The following KCNJ3 variants were observed in gnomAD, a reference collection of about 807,000 sequenced individuals.
KCNJ3 encodes the protein G protein-activated inward rectifier potassium channel 1.
KCNJ3 carries 4 observed loss-of-function variants against 39.2 expected under a neutral mutation model. That is an observed-to-expected ratio of 0.10 (90% confidence interval 0.05 to 0.23). The LOEUF (loss-of-function observed/expected upper bound fraction) is 0.23. KCNJ3 is among the 10% of genes least tolerant of loss of function. The probability of loss-of-function intolerance (pLI) is 1.00; values close to 1 mark genes in which losing one functional copy is unlikely to be tolerated. For synonymous variants in KCNJ3, 230 were observed against 237.4 expected (o/e 0.97, Z 0.29); for missense variants, 276 against 634.9 (o/e 0.43, Z 6.08).
At chr2:154,836,618 A>AT (rs1224923010) in intron 2 of KCNJ3, among the ~76,000 whole-genome samples, 2 of 532 alleles carry the variant, frequency 3.8e-3, no homozygotes, top group Admixed American at 0.091. Flanking sequence ...GTACTAAAAT[A>AT]ATATATATTT....
At chr2:154,807,839 G>A (rs936138629) in intron 2 of KCNJ3, among the ~76,000 whole-genome samples, 1 of 152,040 alleles carries the variant, frequency 6.6e-6, no homozygotes, top group African/African-American at 2.4e-5. Context: ...GTTTCTTTGT[G>A]AGGAAGGCAC....
chr2:154,852,474 T>C (rs982308699), intron 2 of KCNJ3, among the ~76,000 whole-genome samples: 4 of 152,166 alleles, frequency 2.6e-5, no homozygotes, highest in Non-Finnish European at 5.9e-5. Flanking sequence ...TATTTTTTCT[T>C]AAATTTAAAT....
intron 2 of KCNJ3, among the ~76,000 whole-genome samples, chr2:154,746,776 T>G (rs1309228501): frequency 6.6e-6 from 1 of 151,730 alleles, no homozygotes; most frequent in Non-Finnish European, 1.5e-5. Context: ...ACATTGGAAA[T>G]TAATAGGCAC....
At chr2:154,837,319 G>T (rs1326792935) in intron 2 of KCNJ3, among the ~76,000 whole-genome samples, 1 of 151,982 alleles carries the variant, frequency 6.6e-6, no homozygotes, top group African/African-American at 2.4e-5. Context: ...TGACATTCTT[G>T]CCCCCTCACT....
At chr2:154,779,313 C>G (rs909582123) in intron 2 of KCNJ3, among the ~76,000 whole-genome samples, 3 of 151,454 alleles carry the variant, frequency 2.0e-5, no homozygotes, top group Non-Finnish European at 4.4e-5. Context: ...TGAGATGGTG[C>G]TTAGGAACCT....
chr2:154,724,875 G>T (rs1685324091), intron 2 of KCNJ3, among the ~76,000 whole-genome samples: 2 of 134,438 alleles, frequency 1.5e-5, no homozygotes, highest in Admixed American at 7.4e-5. Context: ...AAAATGTTAT[G>T]TTTTATTATA....
chr2:154,719,642 T>C (rs1685234736), intron 2 of KCNJ3, among the ~76,000 whole-genome samples: 1 of 152,112 alleles, frequency 6.6e-6, no homozygotes, highest in Admixed American at 6.5e-5. Flanking sequence ...TGTGCTATTA[T>C]TTACTGTTTC....
intron 2 of KCNJ3, among the ~76,000 whole-genome samples, chr2:154,711,559 T>C (rs1221538682): frequency 3.3e-5 from 5 of 152,152 alleles, no homozygotes; most frequent in Non-Finnish European, 7.4e-5. Context: ...GTGAATGCGT[T>C]TTTCTATAAA....
intron 2 of KCNJ3, among the ~76,000 whole-genome samples, chr2:154,725,805 C>T (rs551488594): frequency 5.9e-5 from 9 of 152,148 alleles, no homozygotes; most frequent in African/African-American, 1.9e-4. Flanking sequence ...AAGCCAAATA[C>T]TTAGAGCCGA....
intron 2 of KCNJ3, among the ~76,000 whole-genome samples, chr2:154,760,456 C>T (rs1303958855): frequency 1.3e-5 from 2 of 151,882 alleles, no homozygotes; most frequent in Admixed American, 1.3e-4. Context: ...TGGTCTCTTC[C>T]TTTAAATTTA....
intron 2 of KCNJ3, among the ~76,000 whole-genome samples, chr2:154,804,450 T>A (rs1015240531): frequency 6.6e-6 from 1 of 152,168 alleles, no homozygotes; most frequent in Non-Finnish European, 1.5e-5. Flanking sequence ...GCAAAATTTC[T>A]TGATTTCCCT....
chr2:154,768,821 A>G (rs1023087446), intron 2 of KCNJ3, among the ~76,000 whole-genome samples: 1 of 152,214 alleles, frequency 6.6e-6, no homozygotes, highest in East Asian at 1.9e-4. Context: ...ATCCATGAGC[A>G]TGGAATGTTC....
At position 154,698,937 on chromosome 2, in the gene KCNJ3, T is replaced by C. The variant is rs759888188; in HGVS notation, c.162T>C (p.Asn54=). ...QRFVDKNGRC[N]VQHGNLGSET... ...TCGTGGACAAGAACGGCCGGTGCAA[T>C]GTACAGCACGGCAACCTGGGCAGCG... The change falls in exon 1 of 3, where the codon AAT becomes AAC. Residue 54 remains asparagine, a synonymous_variant. Transcript: ENST00000295101. 6.2e-7 allele frequency: 1 copy of C among 1,614,002 alleles called. No individual in the cohort carries two copies. The highest frequency in any genetic ancestry group is 1.1e-5 in the South Asian group (1 of 91,084).
chr2:154,753,919 G>A lies in KCNJ3; in HGVS notation c.919+44100G>A, dbSNP rs533462301. Reference sequence around the variant, plus strand: ...AGAGTTCCCACTTACACTTAACCTCGCTTTTAATGTTACTGCCTTTCAGAA... The same window carrying A: ...AGAGTTCCCACTTACACTTAACCTCACTTTTAATGTTACTGCCTTTCAGAA... On this transcript the variant is annotated intron_variant, in intron 2 of 2. Transcript: ENST00000295101. Among the ~76,000 whole-genome samples, 10 of 152,102 alleles carry A rather than the reference G, an allele frequency of 6.6e-5. No individual in the cohort carries two copies. In the South Asian group the frequency reaches 1.4e-3, roughly 22 times the overall value.
At chr2:154,753,877 A>G (rs1440937365) in intron 2 of KCNJ3, among the ~76,000 whole-genome samples, 1 of 152,208 alleles carries the variant, frequency 6.6e-6, no homozygotes, top group African/African-American at 2.4e-5. Flanking sequence ...ATTCTACAGA[A>G]AAGTTATGTA....
chr2:154,738,742 GA>G (rs1685592607), intron 2 of KCNJ3, among the ~76,000 whole-genome samples: 1 of 151,994 alleles, frequency 6.6e-6, no homozygotes, highest in African/African-American at 2.4e-5. Context: ...CTGAAAGGGA[GA>G]AAAGAAGCCA....
intron 2 of KCNJ3, among the ~76,000 whole-genome samples, chr2:154,735,276 T>TTC (rs1278435191): frequency 3.6e-5 from 2 of 56,248 alleles, no homozygotes; most frequent in South Asian, 4.4e-4. Context: ...CTTTCTTTCT[T>TTC]TTTTTTTTTT....
intron 2 of KCNJ3, among the ~76,000 whole-genome samples, chr2:154,753,512 A>G (rs1685884471): frequency 6.6e-6 from 1 of 151,938 alleles, no homozygotes; most frequent in Non-Finnish European, 1.5e-5. Context: ...TCAAGTTTCA[A>G]TTTTCAGTGG....
At chr2:154,797,814 CTTA>C (rs1252103068) in intron 2 of KCNJ3, among the ~76,000 whole-genome samples, 2 of 151,940 alleles carry the variant, frequency 1.3e-5, no homozygotes, top group Admixed American at 6.6e-5. Context: ...ATTGTTTCTA[CTTA>C]TTATTATTAT....
Sources: allele counts gnomAD v4.1 joint callset (sites outside exome capture counted in the v4.1 genomes callset), GRCh38; gene constraint gnomAD v4.1.1; transcripts MANE v1.5; gene names NCBI Gene and HGNC (gene_info 2026-07-23, HGNC 2026-07-21).